The following USP54 variants were observed in gnomAD, a reference collection of about 807,000 sequenced individuals.
USP54 encodes the protein ubiquitin carboxyl-terminal hydrolase 54.
In USP54, 87 loss-of-function variants were observed where a neutral mutation model predicts 170.5. The observed-to-expected ratio is 0.51, with a 90% CI of 0.43 to 0.61. USP54 has a LOEUF of 0.61. USP54 is among the 20% of genes least tolerant of loss of function. The pLI, the probability that USP54 is intolerant of heterozygous loss-of-function variation, is 0.00. For synonymous variants in USP54, 655 were observed against 742.8 expected (o/e 0.88, Z 1.92); for missense variants, 1,786 against 2,047.8 (o/e 0.87, Z 2.47).
chr10:73,605,154 G>C (rs2079521099), intron 1 of USP54, among the ~76,000 whole-genome samples: 1 of 152,114 alleles, frequency 6.6e-6, no homozygotes, highest in South Asian at 2.1e-4. Flanking sequence ...AGTTCTCCAA[G>C]TCCCCACTCG....
rs745818570 is a variant in USP54 at position 73,516,639 on chromosome 10, A to G, written c.3787T>C (p.Trp1263Arg). The change falls in exon 20 of 24, where the codon TGG becomes CGG. Residue 1263 changes from tryptophan to arginine, a missense_variant. Transcript: ENST00000687698. The stretch of plus-strand genomic sequence containing the variant: ...TCACAGAACCTTGTGATATTCACCC[A>G]GGAATCCAAAGGCAAGGAAGTCCCC... ...DLGTSLPLDS[W>R]VNITRFCDSQ... The G allele has an allele frequency of 2.5e-6, 4 of 1,614,128 alleles. No homozygotes were observed. Among genetic ancestry groups the G allele is most frequent in the African/African-American group, 1.3e-5 (1 of 74,940 alleles).
intron 1 of USP54, among the ~76,000 whole-genome samples, chr10:73,617,296 C>CA (rs577634805): frequency 0.039 from 5,316 of 134,878 alleles, 184 homozygotes; most frequent in South Asian, 0.12. Flanking sequence ...AACCCTGTCT[C>CA]AAAAAAAAAA....
At chr10:73,582,757 T>C (rs772105354) in intron 1 of USP54, among the ~76,000 whole-genome samples, 3 of 152,186 alleles carry the variant, frequency 2.0e-5, no homozygotes, top group Non-Finnish European at 4.4e-5. Context: ...CAATAAAGTC[T>C]TTAAGGAGAC....
chr10:73,604,047 G>C (rs549520733), intron 1 of USP54, among the ~76,000 whole-genome samples: 2 of 151,816 alleles, frequency 1.3e-5, no homozygotes, highest in Admixed American at 6.6e-5. Context: ...TCAGGAGTTC[G>C]AGACCAGCCT....
At chr10:73,522,329 G>A (rs2062027782) in intron 17 of USP54, among the ~76,000 whole-genome samples, 1 of 152,118 alleles carries the variant, frequency 6.6e-6, no homozygotes, top group African/African-American at 2.4e-5. Flanking sequence ...TTTTTTTTAA[G>A]TTCTCTACTC....
chr10:73,570,233 A>T (rs2074867937), intron 4 of USP54, among the ~76,000 whole-genome samples: 6 of 152,020 alleles, frequency 3.9e-5, no homozygotes, highest in Admixed American at 3.9e-4. Context: ...TACATGTTGG[A>T]GAAACAGAGA....
intron 15 of USP54, 141 bp downstream of exon 15, chr10:73,529,539 T>G: frequency 2.2e-6 from 2 of 901,888 alleles, no homozygotes; most frequent in African/African-American, 1.6e-5. Flanking sequence ...GAGGGTGCTG[T>G]TGTTATAGGA....
intron 20 of USP54, among the ~76,000 whole-genome samples, chr10:73,508,902 G>C (rs1019036052): frequency 3.3e-5 from 5 of 151,134 alleles, no homozygotes; most frequent in Non-Finnish European, 7.4e-5. Flanking sequence ...TCCTGACCTC[G>C]TGATCTGCCC....
chr10:73,514,530 T>C (rs1406198847), intron 20 of USP54, among the ~76,000 whole-genome samples: 3 of 150,634 alleles, frequency 2.0e-5, no homozygotes, highest in Admixed American at 2.0e-4. Context: ...GTCACTGCAC[T>C]CCAGCCTGGG....
chr10:73,522,081 A>G (rs769806211), intron 17 of USP54, among the ~76,000 whole-genome samples: 9 of 152,194 alleles, frequency 5.9e-5, no homozygotes, highest in Non-Finnish European at 1.3e-4. Context: ...CCAGCAGGAC[A>G]TGGTAAGAAA....
chr10:73,579,656 C>T (rs1010351814), intron 1 of USP54, among the ~76,000 whole-genome samples: 2 of 151,972 alleles, frequency 1.3e-5, no homozygotes, highest in Admixed American at 6.6e-5. Flanking sequence ...ACTTGGGAGG[C>T]TGAGGCAGGA....
chr10:73,541,953 G>T (rs944407783), intron 7 of USP54: 1 of 571,978 alleles, frequency 1.7e-6, no homozygotes, highest in African/African-American at 1.9e-5. Context: ...CTCCCACTTT[G>T]CTGGCCAGTA....
At chr10:73,523,783 T>C (rs1357644209) in intron 16 of USP54, 33 bp from the exon 17 acceptor site, 1 of 1,581,298 alleles carries the variant, frequency 6.3e-7, no homozygotes, top group East Asian at 2.2e-5. Context: ...GTCACCACAT[T>C]TCCATTACCA....
intron 22 of USP54, 144 bp downstream of exon 22, chr10:73,504,706 A>C (rs1219939521): frequency 2.9e-6 from 3 of 1,035,474 alleles, no homozygotes; most frequent in Non-Finnish European, 4.2e-6. Flanking sequence ...TAAAATAATG[A>C]CTGCGTGTCC....
At chr10:73,615,213 C>G (rs1030844776) in intron 1 of USP54, 2 of 150,066 alleles carry the variant, frequency 1.3e-5, no homozygotes, top group African/African-American at 5.1e-5. Context: ...ATTAGCCAGG[C>G]ATGGTGGCAT....
chr10:73,602,408 C>G (rs761129072), intron 1 of USP54, among the ~76,000 whole-genome samples: 1 of 151,914 alleles, frequency 6.6e-6, no homozygotes, highest in Admixed American at 6.6e-5. Flanking sequence ...AAAAAATTAG[C>G]CGGGCGTGGT....
chr10:73,541,483 C>T lies in USP54; in HGVS notation c.717G>A (p.Leu239=), dbSNP rs2066587521. The change falls in exon 9 of 24, where the codon TTG becomes TTA. Residue 239 remains leucine (L), a synonymous_variant. Transcript: ENST00000687698. ...TCGTGATAATCTGTGGAGCATTCAT[C>T]AACACACGGCGAATCCTGATCCTCT... ...CGERIRIRRV[L]MNAPQIITIG... The T allele has an allele frequency of 1.9e-6, 3 of 1,614,190 alleles. No homozygotes were observed. The highest frequency in any genetic ancestry group is 1.7e-6 in the Non-Finnish European group (2 of 1,180,036).
At chr10:73,546,021 G>C (rs528559174) in intron 4 of USP54, among the ~76,000 whole-genome samples, 1 of 152,244 alleles carries the variant, frequency 6.6e-6, no homozygotes, top group Non-Finnish European at 1.5e-5. Context: ...ACACGTAAAC[G>C]TTATCAACAA....
intron 21 of USP54, 36 bp downstream of exon 21, chr10:73,505,272 C>A (rs376201497): frequency 3.1e-6 from 5 of 1,590,710 alleles, no homozygotes; most frequent in Non-Finnish European, 4.3e-6. Flanking sequence ...CAACACACCA[C>A]CCCAGGCCCA....
Sources: allele counts gnomAD v4.1 joint callset (sites outside exome capture counted in the v4.1 genomes callset), GRCh38; gene constraint gnomAD v4.1.1; transcripts MANE v1.5; gene names NCBI Gene and HGNC (gene_info 2026-07-23, HGNC 2026-07-21).